The following SLC30A8 variants were observed in gnomAD, a reference collection of about 807,000 sequenced individuals.
SLC30A8 encodes the protein proton-coupled zinc antiporter SLC30A8.
A neutral mutation model predicts 36.9 loss-of-function variants in SLC30A8; 27 were observed. The observed-to-expected ratio is 0.73, with a 90% confidence interval of 0.54 to 1.01. The LOEUF (loss-of-function observed/expected upper bound fraction) is 1.01. SLC30A8 is among the 50% of genes least tolerant of loss of function. The pLI is 0.00. For synonymous variants in SLC30A8, 164 were observed against 172.4 expected (o/e 0.95, Z 0.38); for missense variants, 439 against 452.0 (o/e 0.97, Z 0.26).
intron 2 of SLC30A8, among the ~76,000 whole-genome samples, chr8:117,109,468 G>C (rs140987401): frequency 6.6e-6 from 1 of 152,014 alleles, no homozygotes; most frequent in Non-Finnish European, 1.5e-5. Context: ...AAATCTTCCC[G>C]GACATCCATC....
At chr8:117,101,891 C>T (rs1181601227) in intron 2 of SLC30A8, among the ~76,000 whole-genome samples, 1 of 152,136 alleles carries the variant, frequency 6.6e-6, no homozygotes, top group African/African-American at 2.4e-5. Context: ...CGGGACCTCA[C>T]CTTGTGATCG....
intron 1 of SLC30A8, among the ~76,000 whole-genome samples, chr8:116,990,003 T>C (rs1245485818): frequency 6.6e-6 from 1 of 152,244 alleles, no homozygotes; most frequent in Non-Finnish European, 1.5e-5. Flanking sequence ...AGCTTGCCTG[T>C]GCATTTACCA....
Position 117,048,653 on chromosome 8 carries a change from G to A in SLC30A8, c.-226+9395G>A, listed in dbSNP as rs1448013825. Among the ~76,000 whole-genome samples the A allele has an allele frequency of 2.6e-5, 4 of 152,054 alleles. No individual in the cohort carries two copies. In the East Asian group the frequency reaches 7.7e-4, roughly 29 times the overall value. On this transcript the variant is annotated intron_variant, in intron 2 of 10. Coordinates refer to the SLC30A8 transcript ENST00000427715. ...CTTTCTGTGTCTGGTTTAGTAGGAT[G>A]GCTCAATATATTGTAGATATTTAAA...
intron 2 of SLC30A8, among the ~76,000 whole-genome samples, chr8:117,120,808 A>C (rs1318547875): frequency 6.6e-6 from 1 of 151,900 alleles, no homozygotes; most frequent in East Asian, 1.9e-4. Flanking sequence ...CCTGGTTTAA[A>C]AAAGGGGCAA....
intron 1 of SLC30A8, among the ~76,000 whole-genome samples, chr8:117,015,099 C>G (rs1215782668): frequency 1.3e-5 from 2 of 151,544 alleles, no homozygotes. Context: ...GTTGAAAGGA[C>G]AAGATGTTGG....
chr8:116,989,660 T>C (rs1034736568), intron 1 of SLC30A8, among the ~76,000 whole-genome samples: 1 of 152,170 alleles, frequency 6.6e-6, no homozygotes, highest in African/African-American at 2.4e-5. Flanking sequence ...TGATGGTGAA[T>C]GTGGATATAT....
At chr8:116,988,332 C>T (rs1403116447) in intron 1 of SLC30A8, among the ~76,000 whole-genome samples, 10 of 152,156 alleles carry the variant, frequency 6.6e-5, no homozygotes, top group Admixed American at 5.9e-4. Context: ...CAACTGATAC[C>T]GTTAAGTACC....
chr8:117,138,083 A>G lies in SLC30A8; in HGVS notation c.71+2685A>G, dbSNP rs554945687. The stretch of plus-strand genomic sequence containing the variant: ...AGCAAAAAAAAAAAAAAAAAAAAGA[A>G]AAAGAAAAAAAAAAGTCGTGTAAAG... On this transcript the variant is annotated intron_variant, in intron 1 of 7. Coordinates refer to ENST00000456015, the MANE Select transcript of SLC30A8 (RefSeq NM_173851.3). Among the ~76,000 whole-genome samples, 16 of 150,590 alleles carry G rather than the reference A, an allele frequency of 1.1e-4. No homozygotes were observed. The East Asian group carries it at 1.4e-3, about 13-fold the overall frequency.
At chr8:117,012,512 A>T (rs1032294613) in intron 1 of SLC30A8, among the ~76,000 whole-genome samples, 2 of 151,912 alleles carry the variant, frequency 1.3e-5, no homozygotes, top group Non-Finnish European at 2.9e-5. Flanking sequence ...TAGCGTTTAC[A>T]TTGTATTAGG....
chr8:117,159,960 C>T lies in SLC30A8; in HGVS notation c.573-1778C>T, dbSNP rs116525778. Among the ~76,000 whole-genome samples, 523 of 152,278 alleles carry T rather than the reference C, an allele frequency of 3.4e-3. 7 individuals carry two copies. The highest frequency in any genetic ancestry group is 0.012 in the African/African-American group (499 of 41,550). On this transcript the variant is annotated intron_variant, in intron 4 of 7. Coordinates refer to ENST00000456015, the MANE Select transcript of SLC30A8 (RefSeq NM_173851.3). ...CTTAACATTGCAGGTGCTTTTTACA[C>T]TCAGAAAGTCAAGGCAGTTGGAAAG... is the stretch of plus-strand genomic sequence containing the variant.
intron 1 of SLC30A8, among the ~76,000 whole-genome samples, chr8:117,145,830 A>G (rs1821870131): frequency 6.6e-6 from 1 of 152,152 alleles, no homozygotes; most frequent in Non-Finnish European, 1.5e-5. Context: ...CAGCCAAGAA[A>G]TATGGGGTTG....
At chr8:116,992,473 G>A (rs1815676502) in intron 1 of SLC30A8, among the ~76,000 whole-genome samples, 1 of 151,932 alleles carries the variant, frequency 6.6e-6, no homozygotes, top group South Asian at 2.1e-4. Context: ...TCTTCTTAGA[G>A]CATTTGCCTA....
At chr8:117,097,445 A>G (rs1409114446) in intron 2 of SLC30A8, among the ~76,000 whole-genome samples, 1 of 120,156 alleles carries the variant, frequency 8.3e-6, no homozygotes, top group African/African-American at 3.2e-5. Flanking sequence ...ATAATTATAT[A>G]TTATATATAA....
chr8:117,079,686 C>G (rs2130809869), intron 2 of SLC30A8, among the ~76,000 whole-genome samples: 1 of 152,286 alleles, frequency 6.6e-6, no homozygotes, highest in Admixed American at 6.5e-5. Context: ...TGTTTCCAGA[C>G]TATGAAGCCC....
At chr8:117,066,307 C>T (rs1818167958) in intron 2 of SLC30A8, among the ~76,000 whole-genome samples, 1 of 152,166 alleles carries the variant, frequency 6.6e-6, no homozygotes, top group African/African-American at 2.4e-5. Flanking sequence ...CTCACTCTAC[C>T]TATTGCTTGT....
chr8:117,133,644 C>A (rs1021882373), upstream of SLC30A8, among the ~76,000 whole-genome samples: 1 of 151,826 alleles, frequency 6.6e-6, no homozygotes, highest in African/African-American at 2.4e-5. Context: ...AATTCTATTT[C>A]TCTTGTCTGT....
intron 1 of SLC30A8, among the ~76,000 whole-genome samples, chr8:117,138,252 C>A (rs1363932880): frequency 2.0e-5 from 3 of 151,774 alleles, no homozygotes; most frequent in Admixed American, 6.6e-5. Context: ...CTGCTAGAAC[C>A]TTTACAACAA....
chr8:117,058,440 C>A (rs111348640), intron 2 of SLC30A8, among the ~76,000 whole-genome samples: 2 of 152,006 alleles, frequency 1.3e-5, no homozygotes, highest in Non-Finnish European at 2.9e-5. Context: ...GGTGTCATAT[C>A]AAAAAAATCA....
In SLC30A8 at chr8:117,004,186, A is replaced by G. The variant is rs183008555; in HGVS notation, c.-265-35033A>G. On this transcript the variant is annotated intron_variant, in intron 1 of 10. Transcript: ENST00000427715. ...ATATTAATACCCACAGTCACCTTTT[A>G]ATCTGCACATGTTCTCATTTTCATT... 3.1e-3 allele frequency among the ~76,000 whole-genome samples: 471 copies of G among 152,280 alleles called. 3 individuals carry two copies. Among genetic ancestry groups the G allele is most frequent in the Non-Finnish European group, 3.5e-3 (240 of 68,022 alleles).
Sources: gnomAD v4.1 joint callset for allele counts (sites outside exome capture counted in the v4.1 genomes callset) on GRCh38, gnomAD v4.1.1 for gene constraint, MANE v1.5 for transcripts, NCBI Gene and HGNC (gene_info 2026-07-23, HGNC 2026-07-21) for gene names.